Variants in VWA3B observed in about 807,000 individuals in gnomAD.
The protein encoded by VWA3B is von Willebrand factor A domain containing 3B, also known as von Willebrand factor A domain-containing protein 3B.
In VWA3B, 138 loss-of-function variants were observed where a neutral mutation model predicts 158.3. That is an observed-to-expected ratio of 0.87 (90% CI 0.76 to 1.00). VWA3B has a LOEUF of 1.00. VWA3B is among the 50% of genes least tolerant of loss of function. VWA3B has a pLI of 0.00. For missense variants in VWA3B, 1,555 were observed against 1,565.1 expected (o/e 0.99, Z 0.11); for synonymous variants, 596 against 587.3 (o/e 1.01, Z -0.21).
At chr2:98,113,896 T>G (rs1674331449) in intron 2 of VWA3B, among the ~76,000 whole-genome samples, 1 of 152,218 alleles carries the variant, frequency 6.6e-6, no homozygotes, top group Non-Finnish European at 1.5e-5. Flanking sequence ...TACGATTTTC[T>G]TATCCATTTA....
At chr2:98,291,001 A>G (rs1158479908) in intron 23 of VWA3B, 1 of 189,114 alleles carries the variant, frequency 5.3e-6, no homozygotes, top group Non-Finnish European at 1.1e-5. Context: ...AATGAAATAA[A>G]CAGATAAAAT....
At chr2:98,224,154 A>G (rs1314550554) in intron 14 of VWA3B, among the ~76,000 whole-genome samples, 1 of 152,158 alleles carries the variant, frequency 6.6e-6, no homozygotes, top group African/African-American at 2.4e-5. Context: ...TTTTCAAGCT[A>G]AAGGAAATTA....
Position 98,100,976 on chromosome 2 carries a change from C to T in VWA3B, c.196+7688C>T, listed in dbSNP as rs949390865. ...CAATCACTGGAAAGTCCTGTTTTGC[C>T]ATCTTGCTCTGCCTTCATCTCTGTT... On this transcript the variant is annotated intron_variant, in intron 2 of 27. Coordinates refer to ENST00000477737, the MANE Select transcript of VWA3B (RefSeq NM_144992.5). Among the ~76,000 whole-genome samples, 6 of 152,120 alleles carry T rather than the reference C, an allele frequency of 3.9e-5. No homozygotes were observed. The East Asian group carries it at 1.2e-3, about 29-fold the overall frequency.
chr2:98,152,655 TTAGAG>T (rs1314712873), intron 7 of VWA3B, among the ~76,000 whole-genome samples: 1 of 152,202 alleles, frequency 6.6e-6, no homozygotes, highest in Non-Finnish European at 1.5e-5. Flanking sequence ...TAAAATTACA[TTAGAG>T]TAAACATCTT....
chr2:98,135,325 C>CTTTTTTTT (rs397873615), intron 7 of VWA3B, among the ~76,000 whole-genome samples: 6 of 96,422 alleles, frequency 6.2e-5, no homozygotes, highest in Admixed American at 1.2e-4. Flanking sequence ...AAACATTTTT[C>CTTTTTTTT]TTTTTTTTTT....
intron 13 of VWA3B, among the ~76,000 whole-genome samples, chr2:98,212,605 C>A (rs1029435875): frequency 1.3e-5 from 2 of 152,128 alleles, no homozygotes; most frequent in Non-Finnish European, 2.9e-5. Context: ...TTCAGGCCAG[C>A]GTAATGTAAA....
chr2:98,129,525 A>G (rs182957512), intron 6 of VWA3B, among the ~76,000 whole-genome samples: 91 of 152,240 alleles, frequency 6.0e-4, no homozygotes, highest in African/African-American at 2.0e-3. Flanking sequence ...GGGCTTCAAC[A>G]TAGGAATTTT....
At chr2:98,130,152 C>A (rs1675745583) in intron 6 of VWA3B, among the ~76,000 whole-genome samples, 1 of 152,098 alleles carries the variant, frequency 6.6e-6, no homozygotes, top group Non-Finnish European at 1.5e-5. Context: ...GCATCATAAA[C>A]AAGATAAAGA....
rs1450187613 is a variant in VWA3B, at chr2:98,214,282, T to TTTTCCCA, written c.1836+2256_1836+2262dup. Among the ~76,000 whole-genome samples the TTTTCCCA allele has an allele frequency of 2.0e-5, 3 of 151,942 alleles. No homozygotes were observed. The East Asian group carries it at 5.8e-4, about 29-fold the overall frequency. On this transcript the variant is annotated intron_variant, in intron 13 of 27. Coordinates refer to ENST00000477737, the MANE Select transcript of VWA3B (RefSeq NM_144992.5). The stretch of plus-strand genomic sequence containing the variant: ...ACTCATAATTGAATTTTGTGGGTTT[T>TTTTCCCA]TTTCCCATCTAACATATCACATGCA...
intron 7 of VWA3B, among the ~76,000 whole-genome samples, chr2:98,139,838 A>T (rs1676616027): frequency 6.6e-6 from 1 of 151,962 alleles, no homozygotes; most frequent in Non-Finnish European, 1.5e-5. Flanking sequence ...AGCAGTGGTA[A>T]CCCCCTCAGG....
At chr2:98,264,214 T>G (rs1301431677) in intron 21 of VWA3B, among the ~76,000 whole-genome samples, 3 of 152,026 alleles carry the variant, frequency 2.0e-5, no homozygotes, top group Non-Finnish European at 4.4e-5. Flanking sequence ...TTTTTTTCTA[T>G]TGTTTTTCTA....
At chr2:98,128,074 A>C in intron 5 of VWA3B, 165 bp from the exon 6 acceptor site, 1 of 738,354 alleles carries the variant, frequency 1.4e-6, no homozygotes. Flanking sequence ...TGAATATCTC[A>C]CTTCCTGACT....
Position 98,125,332 on chromosome 2 carries a change from C to T in VWA3B, c.703-2907C>T, listed in dbSNP as rs564225762. 6.6e-6 allele frequency among the ~76,000 whole-genome samples: 1 copy of T among 152,308 alleles called. No individual in the cohort carries two copies. Among genetic ancestry groups the T allele is most frequent in the East Asian group, 1.9e-4 (1 of 5,182 alleles). ...TGCTCTTACTTTCAGAATTCTGGGG[C>T]TCACATTCATCTCTAACAGGTGACC... On this transcript the variant is annotated intron_variant, in intron 5 of 27. Transcript: ENST00000477737. The surrounding 1 kb of genome is among the most constrained non-coding windows in gnomAD (Gnocchi z 4.1).
the VWA3B span, among the ~76,000 whole-genome samples, chr2:98,329,822 TGAA>T: frequency 1.3e-5 from 2 of 152,196 alleles, no homozygotes; most frequent in Non-Finnish European, 2.9e-5. Context: ...GTGTCCTTTA[TGAA>T]GAAGAAATTC....
intron 12 of VWA3B, among the ~76,000 whole-genome samples, chr2:98,208,890 A>G (rs1025987873): frequency 5.9e-5 from 9 of 152,020 alleles, no homozygotes; most frequent in Non-Finnish European, 1.2e-4. Context: ...CTCTTTCTAT[A>G]TGGAAAGCTT....
chr2:98,231,042 C>CAAATA (rs1282517165), intron 16 of VWA3B, among the ~76,000 whole-genome samples: 3 of 152,064 alleles, frequency 2.0e-5, no homozygotes, highest in Non-Finnish European at 4.4e-5. Context: ...ATAATTGCTC[C>CAAATA]AAATAAAATA....
chr2:98,308,101 A>G (rs1177244354), intron 26 of VWA3B, among the ~76,000 whole-genome samples: 4 of 152,198 alleles, frequency 2.6e-5, no homozygotes, highest in Non-Finnish European at 2.9e-5. Context: ...TGATTCTTAA[A>G]GACTTTTTTT....
At chr2:98,202,790 C>T (rs879653505) in intron 12 of VWA3B, among the ~76,000 whole-genome samples, 5 of 151,962 alleles carry the variant, frequency 3.3e-5, no homozygotes, top group East Asian at 1.9e-4. Flanking sequence ...TTGGAATTAA[C>T]GTTTGCATAA....
At chr2:98,248,877 TTC>T (rs1686603215) in intron 19 of VWA3B, among the ~76,000 whole-genome samples, 2 of 56,362 alleles carry the variant, frequency 3.5e-5, no homozygotes, top group Admixed American at 1.8e-4. Flanking sequence ...CTTTCTTTCT[TTC>T]TTTCTCTCTT....
Sources: allele counts gnomAD v4.1 joint callset (sites outside exome capture counted in the v4.1 genomes callset), GRCh38; gene constraint gnomAD v4.1.1; non-coding constraint Gnocchi (gnomAD v3.1); transcripts MANE v1.5; gene names NCBI Gene and HGNC (gene_info 2026-07-23, HGNC 2026-07-21).